The following IDO1 variants were observed in gnomAD, a reference collection of about 807,000 sequenced individuals.
The protein encoded by IDO1 is indoleamine 2,3-dioxygenase 1, also known as indolamine 2,3 dioxygenase.
Under a neutral mutation model 38.8 loss-of-function variants are expected in IDO1, and 35 were observed. The ratio of observed to expected loss-of-function variants is 0.90; its 90% CI spans 0.69 to 1.20. The LOEUF (loss-of-function observed/expected upper bound fraction) is 1.20. Ranked by LOEUF, IDO1 falls within the 50% of genes most tolerant of loss-of-function variation. IDO1 has a pLI of 0.00. For synonymous variants in IDO1, 171 were observed against 170.0 expected, an observed-to-expected ratio of 1.01 and a Z score of -0.05; for missense variants, 509 against 485.1, an observed-to-expected ratio of 1.05 and a Z score of -0.46.
At chr8:39,924,236 C>T (rs1586212977) in intron 7 of IDO1, among the ~76,000 whole-genome samples, 1 of 151,926 alleles carries the variant, frequency 6.6e-6, no homozygotes, top group Admixed American at 6.6e-5. Context: ...TGCGGTGGCT[C>T]ATATGTGTAG....
chr8:39,917,114 A>G (rs1046383820), intron 1 of IDO1, among the ~76,000 whole-genome samples: 2 of 152,220 alleles, frequency 1.3e-5, no homozygotes, highest in Non-Finnish European at 2.9e-5. Flanking sequence ...TATATATATG[A>G]AATTATCGAG....
chr8:39,914,772 T>C (rs1285885207), intron 1 of IDO1, among the ~76,000 whole-genome samples: 1 of 152,058 alleles, frequency 6.6e-6, no homozygotes, highest in East Asian at 1.9e-4. Flanking sequence ...TTATTATTAT[T>C]ATTATTATTT....
At chr8:39,922,702 C>A in intron 6 of IDO1, 51 bp downstream of exon 6, 2 of 1,236,850 alleles carry the variant, frequency 1.6e-6, no homozygotes, top group Non-Finnish European at 2.4e-6. Flanking sequence ...GTAAGCAGAG[C>A]AATCACTTCG....
intron 1 of IDO1, among the ~76,000 whole-genome samples, chr8:39,915,923 TG>T (rs1807167931): frequency 6.6e-6 from 1 of 152,186 alleles, no homozygotes; most frequent in African/African-American, 2.4e-5. Flanking sequence ...CCCAGCACTT[TG>T]GGAGACGGAG....
chr8:39,924,586 C>A, intron 7 of IDO1, 135 bp from the exon 8 acceptor site: 1 of 616,864 alleles, frequency 1.6e-6, no homozygotes, highest in South Asian at 2.1e-5. Flanking sequence ...TCTGCAGGGG[C>A]TTTGTTTAGC....
chr8:39,916,954 T>C (rs1453346743), intron 1 of IDO1, among the ~76,000 whole-genome samples: 1 of 152,138 alleles, frequency 6.6e-6, no homozygotes, highest in Non-Finnish European at 1.5e-5. Context: ...ACAACAAAAA[T>C]ACATTTATTA....
chr8:39,928,204 C>A lies in IDO1; in HGVS notation c.*19C>A. ...AGGTTAATGTAACCCAACAAGAGCACATTTTATCATAGCAGAGACATCTGT... is the reference window on the plus strand; with the variant it reads ...AGGTTAATGTAACCCAACAAGAGCAAATTTTATCATAGCAGAGACATCTGT... On this transcript the variant is annotated 3_prime_UTR_variant, in exon 10 of 10. Transcript: ENST00000518237. 2 of 1,541,134 alleles carry A rather than the reference C, an allele frequency of 1.3e-6. No homozygotes were observed. The highest frequency in any genetic ancestry group is 1.8e-6 in the Non-Finnish European group (2 of 1,126,886).
chr8:39,925,417 A>G (rs781095792), intron 9 of IDO1, 46 bp downstream of exon 9: 5 of 1,546,752 alleles, frequency 3.2e-6, no homozygotes, highest in Middle Eastern at 2.0e-4. Context: ...TGTGAATACA[A>G]TAGTATTTGG....
At chr8:39,914,602 G>T (rs1394146556) in intron 1 of IDO1, among the ~76,000 whole-genome samples, 2 of 152,074 alleles carry the variant, frequency 1.3e-5, no homozygotes, top group African/African-American at 4.8e-5. Flanking sequence ...AAAAAGGTTT[G>T]CCTTAAAAAC....
At position 39,923,450 on chromosome 8, in the gene IDO1, TTTTG is replaced by T. The variant is rs764979879; in HGVS notation, c.538-7_538-4del. 22 of 1,325,050 alleles carry T rather than the reference TTTTG, an allele frequency of 1.7e-5. No homozygotes were observed. Among genetic ancestry groups the T allele is most frequent in the African/African-American group, 4.3e-5 (3 of 69,096 alleles). The allele number at this position is 1,325,050 out of a possible 1,614,324, so 82.1% of individuals were successfully genotyped here. ...AGAAAGAAAACCTTAAATGTTTGTG[TTTTG>T]TTTGTTTGTTTTAGGTAATTCCTAC... On this transcript the variant is annotated splice_polypyrimidine_tract_variant and intron_variant, in intron 6 of 9. Coordinates refer to ENST00000518237, the MANE Select transcript of IDO1 (RefSeq NM_002164.6).
At position 39,927,024 on chromosome 8, in the gene IDO1, C is replaced by T. The variant is rs570159506; in HGVS notation, c.857-806C>T. On this transcript the variant is annotated intron_variant, in intron 9 of 9. Transcript: ENST00000518237. ...CAGCTGCATCCATGTTGCTGTGAAG[C>T]GCTTGATTTCATTCTTTTTCATGGC... Among the ~76,000 whole-genome samples, 8 of 152,258 alleles carry T rather than the reference C, an allele frequency of 5.3e-5. No homozygotes were observed. In the East Asian group the frequency reaches 5.8e-4, roughly 11 times the overall value.
At chr8:39,925,566 A>C (rs1001340966) in intron 9 of IDO1, among the ~76,000 whole-genome samples, 195 bp downstream of exon 9, 1 of 152,198 alleles carries the variant, frequency 6.6e-6, no homozygotes, top group Non-Finnish European at 1.5e-5. Flanking sequence ...AGTCAGTGAC[A>C]GGTTCCTTGT....
chr8:39,920,745 A>G (rs1292931196), intron 5 of IDO1: 2 of 151,978 alleles, frequency 1.3e-5, no homozygotes, highest in African/African-American at 4.8e-5. Flanking sequence ...AGGAGAATCA[A>G]TTGAACCCAG....
At chr8:39,921,989 T>C (rs963750063) in intron 5 of IDO1, among the ~76,000 whole-genome samples, 3 of 152,062 alleles carry the variant, frequency 2.0e-5, no homozygotes, top group African/African-American at 7.2e-5. Context: ...TTTTTTGTTG[T>C]TGTTGTTTTG....
intron 5 of IDO1, among the ~76,000 whole-genome samples, chr8:39,921,707 T>C (rs1807274351): frequency 6.6e-6 from 1 of 152,144 alleles, no homozygotes. Context: ...CTCATAGATA[T>C]ACAGATAGTA....
intron 4 of IDO1, 90 bp from the exon 5 acceptor site, chr8:39,920,010 C>A: frequency 8.6e-7 from 1 of 1,162,682 alleles, no homozygotes; most frequent in South Asian, 1.3e-5. Flanking sequence ...AGCATTCAAT[C>A]AAATAGCAAC....
At chr8:39,915,759 C>T (rs1170433240) in intron 1 of IDO1, 1 of 152,150 alleles carries the variant, frequency 6.6e-6, no homozygotes, top group Non-Finnish European at 1.5e-5. Context: ...ATATTCGATT[C>T]TCCTTAAAAA....
Position 39,918,085 on chromosome 8 carries a change from C to G in IDO1, c.184-3C>G. 1.2e-6 allele frequency: 2 copies of G among 1,613,862 alleles called. No homozygotes were observed. Among genetic ancestry groups the G allele is most frequent in the African/African-American group, 2.7e-5 (2 of 75,036 alleles). On this transcript the variant is annotated splice_region_variant and splice_polypyrimidine_tract_variant and intron_variant, in intron 2 of 9. Coordinates refer to ENST00000518237, the MANE Select transcript of IDO1 (RefSeq NM_002164.6). Reference sequence around the variant, plus strand: ...TTGAGTCAATTGCTCCATTTGTTTTCAGTTAAACATGCTCAGCATTGATCA... The same window carrying G: ...TTGAGTCAATTGCTCCATTTGTTTTGAGTTAAACATGCTCAGCATTGATCA...
At chr8:39,923,036 A>G (rs911508724) in intron 6 of IDO1, 1 of 212,348 alleles carries the variant, frequency 4.7e-6, no homozygotes, top group Non-Finnish European at 9.4e-6. Flanking sequence ...CTATAAATGT[A>G]AGGAAATTAG....
Sources: gnomAD v4.1 joint callset for allele counts (sites outside exome capture counted in the v4.1 genomes callset) on GRCh38, gnomAD v4.1.1 for gene constraint, MANE v1.5 for transcripts, NCBI Gene and HGNC (gene_info 2026-07-23, HGNC 2026-07-21) for gene names.